HEATR1: variants seen among roughly 807,000 people sequenced by gnomAD.
The protein encoded by HEATR1 is HEAT repeat-containing protein 1.
Under a neutral mutation model 248.2 loss-of-function variants are expected in HEATR1, and 77 were observed. That is an observed-to-expected ratio of 0.31 (90% confidence interval 0.26 to 0.37). HEATR1 has a LOEUF of 0.37. Ranked by LOEUF, HEATR1 falls within the 10% of genes least tolerant of loss-of-function variation. The probability of loss-of-function intolerance (pLI) is 1.00; values close to 1 mark genes in which losing one functional copy is unlikely to be tolerated. For missense variants in HEATR1, 2,420 were observed against 2,504.9 expected (o/e 0.97, Z 0.72); for synonymous variants, 897 against 923.1 (o/e 0.97, Z 0.51).
chr1:236,572,579 T>C (rs748674282), intron 25 of HEATR1, 25 bp from the exon 26 acceptor site: 51 of 1,612,740 alleles, frequency 3.2e-5, no homozygotes, highest in Non-Finnish European at 4.3e-5. Flanking sequence ...AGACAAAACG[T>C]TGGAAAAGCA....
chr1:236,599,087 C>G (rs566609379), intron 4 of HEATR1, among the ~76,000 whole-genome samples: 2 of 152,328 alleles, frequency 1.3e-5, no homozygotes, highest in South Asian at 4.1e-4. Flanking sequence ...TCTTCACCTT[C>G]AACTTTTTTT....
intron 8 of HEATR1, 97 bp downstream of exon 8, chr1:236,595,443 A>G (rs1664152231): frequency 9.9e-7 from 1 of 1,010,426 alleles, no homozygotes; most frequent in Non-Finnish European, 1.4e-6. Context: ...TGGAAAACAG[A>G]AATTTTAAAT....
intron 33 of HEATR1, among the ~76,000 whole-genome samples, chr1:236,560,931 T>C (rs1663115110): frequency 6.6e-6 from 1 of 152,236 alleles, no homozygotes; most frequent in African/African-American, 2.4e-5. Flanking sequence ...GTATGAACTG[T>C]AGATTACATC....
Position 236,587,943 on chromosome 1 carries a change from C to A in HEATR1, c.1626+5G>T. ...TATACCTCAACAAATGACAAATTCACTCACCTCAAAAGCACTTATAGCCGA... is the reference window on the plus strand; with the variant it reads ...TATACCTCAACAAATGACAAATTCAATCACCTCAAAAGCACTTATAGCCGA... On this transcript the variant is annotated splice_donor_5th_base_variant and intron_variant, in intron 13 of 44. Coordinates refer to ENST00000366582, the MANE Select transcript of HEATR1 (RefSeq NM_018072.6). The A allele has an allele frequency of 6.3e-7, 1 of 1,597,084 alleles. No homozygotes were observed. The highest frequency in any genetic ancestry group is 8.6e-7 in the Non-Finnish European group (1 of 1,168,406).
intron 32 of HEATR1, among the ~76,000 whole-genome samples, chr1:236,562,578 T>C (rs1275720151): frequency 6.6e-6 from 1 of 152,246 alleles, no homozygotes; most frequent in African/African-American, 2.4e-5. Flanking sequence ...TTCAGTCACA[T>C]TGATCCATCT....
At chr1:236,571,810 A>G in intron 26 of HEATR1, 124 bp from the exon 27 acceptor site, 1 of 690,178 alleles carries the variant, frequency 1.4e-6, no homozygotes, top group Non-Finnish European at 2.6e-6. Context: ...TAACTAAAAT[A>G]CTATCATTAA....
chr1:236,561,438 CTCTATT>C (rs1303014778), intron 32 of HEATR1, among the ~76,000 whole-genome samples, 167 bp from the exon 33 acceptor site: 2 of 152,208 alleles, frequency 1.3e-5, no homozygotes, highest in Non-Finnish European at 2.9e-5. Context: ...ACTGTAGTAA[CTCTATT>C]TCTCTTAATT....
chr1:236,571,005 T>C (rs1464404668), intron 28 of HEATR1, among the ~76,000 whole-genome samples: 1 of 152,270 alleles, frequency 6.6e-6, no homozygotes, highest in East Asian at 1.9e-4. Flanking sequence ...TGAGGATAAA[T>C]GAGATATTAA....
rs937433330 is a variant in HEATR1 at position 236,555,431 on chromosome 1, T to C, written c.5788A>G (p.Lys1930Glu). 6.2e-7 allele frequency: 1 copy of C among 1,614,100 alleles called. No individual in the cohort carries two copies. Among genetic ancestry groups the C allele is most frequent in the Non-Finnish European group, 8.5e-7 (1 of 1,180,040 alleles). The change falls in exon 41 of 45, where the codon AAG becomes GAG. Residue 1930 changes from lysine (K) to glutamate (E), a missense_variant. Coordinates refer to ENST00000366582, the MANE Select transcript of HEATR1 (RefSeq NM_018072.6). ...FDWAKTEDAP[K>E]DRLLTFYNLA... ...TTGTAAAATGTCAACAACCTGTCCT[T>C]TGGGGCATCTTCTGTTTTAGCCCAA...
intron 3 of HEATR1, among the ~76,000 whole-genome samples, chr1:236,601,142 C>T (rs555546063): frequency 1.3e-5 from 2 of 152,192 alleles, no homozygotes; most frequent in East Asian, 3.9e-4. Flanking sequence ...TATTCTTTGT[C>T]TGATTGCCCT....
At chr1:236,560,439 G>C (rs74152012) in intron 33 of HEATR1, among the ~76,000 whole-genome samples, 242 of 152,298 alleles carry the variant, frequency 1.6e-3, no homozygotes, top group African/African-American at 5.1e-3. Context: ...CCAGCCTGAG[G>C]GGGGAGCTAG....
chr1:236,599,431 C>A, intron 4 of HEATR1, 52 bp downstream of exon 4: 1 of 1,479,878 alleles, frequency 6.8e-7, no homozygotes, highest in Non-Finnish European at 9.1e-7. Context: ...TAATTAAATC[C>A]CTTAATCAAG....
intron 42 of HEATR1, among the ~76,000 whole-genome samples, chr1:236,554,047 G>C (rs916788365): frequency 9.2e-5 from 14 of 152,076 alleles, no homozygotes; most frequent in African/African-American, 3.4e-4. Context: ...CATTAACCAT[G>C]ACAGCTTATA....
In HEATR1 at chr1:236,586,223, A is replaced by T; in HGVS notation, c.1927+18T>A. The T allele has an allele frequency of 6.4e-7, 1 of 1,572,964 alleles. No individual in the cohort carries two copies. On this transcript the variant is annotated intron_variant, in intron 15 of 44. Coordinates refer to ENST00000366582, the MANE Select transcript of HEATR1 (RefSeq NM_018072.6). ...GTTATCTGTTCACTTTTTCTAAAAA[A>T]ACAACTGAATTTTTTACCTTCTTCC...
At chr1:236,560,697 G>A (rs965743594) in intron 33 of HEATR1, among the ~76,000 whole-genome samples, 10 of 152,152 alleles carry the variant, frequency 6.6e-5, no homozygotes, top group Non-Finnish European at 8.8e-5. Context: ...GGCAAACCCC[G>A]AGGACATGGG....
intron 32 of HEATR1, among the ~76,000 whole-genome samples, chr1:236,563,354 T>A (rs1386110813): frequency 6.6e-6 from 1 of 152,094 alleles, no homozygotes; most frequent in Non-Finnish European, 1.5e-5. Flanking sequence ...CGATCTTGGC[T>A]CACTGCAAGC....
intron 4 of HEATR1, 152 bp from the exon 5 acceptor site, chr1:236,598,131 A>G (rs1244288548): frequency 1.9e-6 from 1 of 525,088 alleles, no homozygotes; most frequent in Non-Finnish European, 3.4e-6. Flanking sequence ...TGAAATTAAC[A>G]CATAAAATCA....
In HEATR1 at chr1:236,558,332, C is replaced by T. The variant is rs1446133724; in HGVS notation, c.5109G>A (p.Glu1703=). The T allele has an allele frequency of 6.2e-6, 10 of 1,614,208 alleles. No homozygotes were observed. Among genetic ancestry groups the T allele is most frequent in the Admixed American group, 1.7e-5 (1 of 60,030 alleles). The part of the protein sequence containing the change: ...LNTAVKLIAP[E]RKEEKNVLGS... ...CCAGGACATTCTTCTCCTCCTTTCT[C>T]TCTGGAGCAATCAGTTTCACAGCAG... Residue 1703 remains glutamate (E), a synonymous_variant, in exon 36 of 45, where the codon GAG becomes GAA. Transcript: ENST00000366582.
intron 5 of HEATR1, among the ~76,000 whole-genome samples, chr1:236,597,312 G>A (rs1438223269): frequency 6.7e-6 from 1 of 149,016 alleles, no homozygotes. Flanking sequence ...CAGTACAGTG[G>A]CATGATCTTG....
Sources: allele counts gnomAD v4.1 joint callset (sites outside exome capture counted in the v4.1 genomes callset), GRCh38; gene constraint gnomAD v4.1.1; transcripts MANE v1.5; gene names NCBI Gene and HGNC (gene_info 2026-07-23, HGNC 2026-07-21).